RGS12: variants seen among roughly 807,000 people sequenced by gnomAD.
RGS12 encodes regulator of G-protein signaling 12.
Under a neutral mutation model 120.1 loss-of-function variants are expected in RGS12, and 66 were observed. The ratio of observed to expected loss-of-function variants is 0.55; its 90% confidence interval spans 0.45 to 0.67. The LOEUF is 0.67. Ranked by LOEUF, RGS12 falls within the 30% of genes least tolerant of loss-of-function variation. RGS12 has a pLI of 0.00. For synonymous variants in RGS12, 827 were observed against 804.7 expected (o/e 1.03, Z -0.47); for missense variants, 1,859 against 1,957.7 (o/e 0.95, Z 0.95).
At position 3,317,563 on chromosome 4, in the gene RGS12, G is replaced by A. The variant is rs772585191; in HGVS notation, c.1393G>A (p.Ala465Thr). The change falls in exon 2 of 18, where the codon GCC becomes ACC. Residue 465 changes from alanine (A) to threonine (T), a missense_variant. Transcript: ENST00000336727. The part of the protein sequence containing the change: ...SAWDGVGGRG[A>T]QPWGAPWTGP... Reference sequence around the variant, plus strand: ...GTGGGACGGTGTGGGTGGGAGGGGTGCCCAGCCCTGGGGTGCTCCCTGGAC... The same window carrying A: ...GTGGGACGGTGTGGGTGGGAGGGGTACCCAGCCCTGGGGTGCTCCCTGGAC... 3.7e-6 allele frequency: 6 copies of A among 1,606,530 alleles called. No homozygotes were observed. The highest frequency in any genetic ancestry group is 3.3e-5 in the Admixed American group (2 of 59,832).
At chr4:3,319,688 TTCTGCCTCAGCCTCCCA>T (rs1725047662) in intron 2 of RGS12, among the ~76,000 whole-genome samples, 1 of 152,252 alleles carries the variant, frequency 6.6e-6, no homozygotes, top group Non-Finnish European at 1.5e-5. Flanking sequence ...CAAGCGATCC[TTCTGCCTCAGCCTCCCA>T]GAGTGCTGGG....
At chr4:3,331,738 G>A (rs931200347) in intron 2 of RGS12, among the ~76,000 whole-genome samples, 7 of 152,292 alleles carry the variant, frequency 4.6e-5, no homozygotes, top group Non-Finnish European at 7.4e-5. Flanking sequence ...GGCCAGCATC[G>A]CACTGCTCTC....
At position 3,374,680 on chromosome 4, in the gene RGS12, G is replaced by A. The variant is rs1269249590; in HGVS notation, c.1999-11736G>A. Among the ~76,000 whole-genome samples, 7 of 151,832 alleles carry A rather than the reference G, an allele frequency of 4.6e-5. No individual in the cohort carries two copies. Among genetic ancestry groups the A allele is most frequent in the African/African-American group, 9.7e-5 (4 of 41,316 alleles). ...TCCACGTCAGCAAGCTCCTGGGCTC[G>A]GCCTTCAAAATCCCTGAGTTTACAC... On this transcript the variant is annotated intron_variant, in intron 3 of 17. Transcript: ENST00000336727. This position sits in a 1 kb window ranked among gnomAD's most constrained non-coding sequence, Gnocchi z 6.3.
At chr4:3,364,727 C>A (rs1395651385) in intron 3 of RGS12, among the ~76,000 whole-genome samples, 2 of 152,008 alleles carry the variant, frequency 1.3e-5, no homozygotes, top group African/African-American at 4.8e-5. Context: ...GTGACAGAAG[C>A]TTTGGGTAAA....
chr4:3,296,593 G>A (rs1723396082), intron 1 of RGS12, among the ~76,000 whole-genome samples: 1 of 152,172 alleles, frequency 6.6e-6, no homozygotes, highest in African/African-American at 2.4e-5. Flanking sequence ...GGCTTTCACA[G>A]TCCCAGGGAT....
At chr4:3,323,736 T>A (rs1725359977) in intron 2 of RGS12, among the ~76,000 whole-genome samples, 1 of 152,186 alleles carries the variant, frequency 6.6e-6, no homozygotes, top group Non-Finnish European at 1.5e-5. Flanking sequence ...ATATGTGAGT[T>A]TTCTTTTGGG....
At chr4:3,325,705 C>T (rs1441791092) in intron 2 of RGS12, among the ~76,000 whole-genome samples, 5 of 152,070 alleles carry the variant, frequency 3.3e-5, no homozygotes, top group Non-Finnish European at 1.5e-5. Flanking sequence ...CCAGTATCAC[C>T]CCAGTACCCA....
At chr4:3,369,564 C>T (rs765739620) in intron 3 of RGS12, among the ~76,000 whole-genome samples, 5 of 152,140 alleles carry the variant, frequency 3.3e-5, no homozygotes, top group Admixed American at 6.5e-5. Context: ...CCCATTAGGA[C>T]GAGACTCTAG....
intron 4 of RGS12, among the ~76,000 whole-genome samples, chr4:3,405,214 T>C (rs1475089376): frequency 6.6e-6 from 1 of 152,076 alleles, no homozygotes; most frequent in African/African-American, 2.4e-5. Flanking sequence ...AGCCTCGGGG[T>C]AGTTCTGCAC....
At chr4:3,429,669 A>G (rs1210423481) in intron 16 of RGS12, among the ~76,000 whole-genome samples, 1 of 152,176 alleles carries the variant, frequency 6.6e-6, no homozygotes, top group African/African-American at 2.4e-5. Flanking sequence ...CAGGTAAGAA[A>G]AGGAGAGTTC....
chr4:3,297,339 G>A (rs2110349117), intron 1 of RGS12, among the ~76,000 whole-genome samples: 1 of 152,308 alleles, frequency 6.6e-6, no homozygotes, highest in South Asian at 2.1e-4. Context: ...TGCCCTGCCT[G>A]GCCGCAGCCC....
At chr4:3,340,496 C>G (rs1712950758) in intron 2 of RGS12, among the ~76,000 whole-genome samples, 1 of 152,176 alleles carries the variant, frequency 6.6e-6, no homozygotes, top group Non-Finnish European at 1.5e-5. Context: ...AGGCGGGCGC[C>G]CGGGGTGTGG....
chr4:3,394,644 T>A (rs953477773), intron 4 of RGS12, among the ~76,000 whole-genome samples: 1 of 152,224 alleles, frequency 6.6e-6, no homozygotes, highest in African/African-American at 2.4e-5. Context: ...TGCAATTGTT[T>A]TTCAAGTAAT....
upstream of RGS12, among the ~76,000 whole-genome samples, chr4:3,290,125 C>T (rs905121072): frequency 2.0e-5 from 3 of 152,186 alleles, no homozygotes; most frequent in Admixed American, 6.5e-5. Context: ...GGAGTGCAGA[C>T]GTCTCTTTGA....
chr4:3,430,266 G>A, intron 16 of RGS12, 141 bp from the exon 17 acceptor site: 1 of 732,698 alleles, frequency 1.4e-6, no homozygotes, highest in South Asian at 1.8e-5. Context: ...AGATAGTGTG[G>A]ACGGAAAAGG....
chr4:3,409,505 C>G (rs1721506459), intron 4 of RGS12, among the ~76,000 whole-genome samples: 1 of 152,222 alleles, frequency 6.6e-6, no homozygotes, highest in Non-Finnish European at 1.5e-5. Context: ...ATTCATTCCA[C>G]AAATACACCA....
chr4:3,432,554 G>A (rs750391501), intron 17 of RGS12, among the ~76,000 whole-genome samples: 4 of 151,806 alleles, frequency 2.6e-5, no homozygotes, highest in East Asian at 3.9e-4. Context: ...AGACCCACGT[G>A]GGGGGTCAGT....
At position 3,417,527 on chromosome 4, in the gene RGS12, G is replaced by T; in HGVS notation, c.2747G>T (p.Gly916Val). Residue 916 changes from glycine (G) to valine (V), a missense_variant, in exon 9 of 18, where the codon GGG becomes GTG. Transcript: ENST00000336727. ...AGGTCCCAGAAAAAGAGGGAGCACG[G>T]GGACCACGCAGACGGTTTGTGGGGT... ...TGRSQKKREH[G>V]DHADDALHAN... 1 of 1,612,956 alleles carries T rather than the reference G, an allele frequency of 6.2e-7. No individual in the cohort carries two copies. The highest frequency in any genetic ancestry group is 8.5e-7 in the Non-Finnish European group (1 of 1,179,956).
chr4:3,407,274 G>T (rs569737874), intron 4 of RGS12: 1 of 152,364 alleles, frequency 6.6e-6, no homozygotes, highest in East Asian at 1.9e-4. Flanking sequence ...TTATGCATGC[G>T]TCTTCGGCAA....
Sources: gnomAD v4.1 joint callset for allele counts (sites outside exome capture counted in the v4.1 genomes callset) on GRCh38, gnomAD v4.1.1 for gene constraint, Gnocchi (gnomAD v3.1) non-coding constraint, MANE v1.5 for transcripts, NCBI Gene and HGNC (gene_info 2026-07-23, HGNC 2026-07-21) for gene names.